The following PIK3C3 variants were observed in gnomAD, a reference collection of about 807,000 sequenced individuals.
PIK3C3 encodes the protein phosphatidylinositol 3-kinase catalytic subunit type 3.
A neutral mutation model predicts 126.1 loss-of-function variants in PIK3C3; 95 were observed. That is an observed-to-expected ratio of 0.75 (90% CI 0.64 to 0.89). The LOEUF is 0.89. Among genes scored for constraint, PIK3C3 ranks in the 40% least tolerant of loss-of-function variants. PIK3C3 has a pLI of 0.00. For synonymous variants in PIK3C3, 374 were observed against 360.0 expected (o/e 1.04, Z -0.44); for missense variants, 829 against 1,063.2 (o/e 0.78, Z 3.06).
chr18:42,079,954 T>A (rs1016786515), intron 24 of PIK3C3, among the ~76,000 whole-genome samples: 2 of 117,778 alleles, frequency 1.7e-5, no homozygotes, highest in Admixed American at 1.8e-4. Context: ...TGAGTGTGTG[T>A]GTGTGTGTGT....
At chr18:42,023,408 G>A (rs1044633655) in intron 13 of PIK3C3, among the ~76,000 whole-genome samples, 3 of 152,188 alleles carry the variant, frequency 2.0e-5, no homozygotes, top group Non-Finnish European at 4.4e-5. Context: ...TTCATAAGGA[G>A]CACACTTTTT....
In PIK3C3 at chr18:41,995,596, T is replaced by C. The variant is rs1439912885; in HGVS notation, c.787-294T>C. ...GGAAGATTTTACAGTGATGGTGATA[T>C]TTGATTGGTTAGAGGATATGGAAAC... On this transcript the variant is annotated intron_variant, in intron 7 of 24. Transcript: ENST00000262039. 3.3e-5 allele frequency among the ~76,000 whole-genome samples: 5 copies of C among 152,232 alleles called. No homozygotes were observed. In the East Asian group the frequency reaches 7.7e-4, roughly 23 times the overall value.
chr18:42,037,889 C>T, intron 17 of PIK3C3, 69 bp downstream of exon 17: 3 of 1,381,728 alleles, frequency 2.2e-6, no homozygotes, highest in East Asian at 4.6e-5. Context: ...AGTTCATTTG[C>T]TGTTTATGGA....
chr18:42,031,669 G>A (rs1000985631), intron 15 of PIK3C3, among the ~76,000 whole-genome samples: 7 of 152,022 alleles, frequency 4.6e-5, no homozygotes, highest in African/African-American at 1.4e-4. Flanking sequence ...TGCCAGCCTC[G>A]GCCTTCCAAA....
intron 24 of PIK3C3, among the ~76,000 whole-genome samples, chr18:42,069,131 C>G (rs1985670068): frequency 1.3e-5 from 2 of 152,000 alleles, no homozygotes; most frequent in South Asian, 2.1e-4. Flanking sequence ...TACTCTTTTT[C>G]TAGCTCAATA....
chr18:42,035,355 A>C (rs1176471404), intron 16 of PIK3C3, among the ~76,000 whole-genome samples: 1 of 152,072 alleles, frequency 6.6e-6, no homozygotes, highest in African/African-American at 2.4e-5. Context: ...TTTTTTTTCC[A>C]ACCATGGTGC....
At chr18:42,032,281 T>C (rs1983863076) in intron 15 of PIK3C3, among the ~76,000 whole-genome samples, 1 of 152,160 alleles carries the variant, frequency 6.6e-6, no homozygotes, top group South Asian at 2.1e-4. Context: ...GGTACAGTAA[T>C]AGGAGATGAA....
At chr18:42,012,848 T>C (rs1379089037) in intron 10 of PIK3C3, among the ~76,000 whole-genome samples, 1 of 152,186 alleles carries the variant, frequency 6.6e-6, no homozygotes, top group African/African-American at 2.4e-5. Context: ...CTTAATCAAC[T>C]GTTTAAATGT....
chr18:42,000,363 T>C (rs892275647), intron 9 of PIK3C3, among the ~76,000 whole-genome samples: 1 of 152,070 alleles, frequency 6.6e-6, no homozygotes, highest in Non-Finnish European at 1.5e-5. Context: ...ACAAGTGATA[T>C]TTTAAGGAGT....
rs1404266886 is a variant in PIK3C3 at position 42,085,632 on chromosome 18, G to A, written c.*4495G>A. On this transcript the variant is annotated 3_prime_UTR_variant, in exon 25 of 25. Coordinates refer to ENST00000262039, the MANE Select transcript of PIK3C3 (RefSeq NM_002647.4). ...TTTAAGTCACAGTCAATTTTCTGTT[G>A]GTCTAATTTTACCAAATAACCCCCT... The A allele has an allele frequency of 6.6e-6, 1 of 152,042 alleles. No individual in the cohort carries two copies. Among genetic ancestry groups the A allele is most frequent in the African/African-American group, 2.4e-5 (1 of 41,378 alleles). The allele number at this position is 152,042 out of a possible 1,614,324, so 9.4% of individuals were successfully genotyped here.
chr18:42,000,584 T>C (rs1982238863), intron 9 of PIK3C3, among the ~76,000 whole-genome samples: 2 of 152,002 alleles, frequency 1.3e-5, no homozygotes, highest in African/African-American at 2.4e-5. Flanking sequence ...TTGGTACCAA[T>C]TTACTGTATT....
At chr18:42,048,584 A>C (rs1984658123) in intron 20 of PIK3C3, among the ~76,000 whole-genome samples, 1 of 152,240 alleles carries the variant, frequency 6.6e-6, no homozygotes, top group South Asian at 2.1e-4. Context: ...CTAAGAGCCT[A>C]GTCTTCAGTA....
chr18:41,980,435 G>A (rs1324946608), intron 4 of PIK3C3, among the ~76,000 whole-genome samples: 2 of 152,136 alleles, frequency 1.3e-5, no homozygotes, highest in Non-Finnish European at 2.9e-5. Context: ...TAGTAATTTA[G>A]GAGGGTGAAT....
At chr18:41,994,807 G>A (rs1196607955) in intron 7 of PIK3C3, among the ~76,000 whole-genome samples, 1 of 152,110 alleles carries the variant, frequency 6.6e-6, no homozygotes, top group Non-Finnish European at 1.5e-5. Context: ...AGAGGCCAAG[G>A]CAGGAGGATC....
intron 24 of PIK3C3, among the ~76,000 whole-genome samples, chr18:42,074,314 C>T (rs1257407523): frequency 8.4e-5 from 12 of 143,264 alleles, no homozygotes; most frequent in South Asian, 6.7e-4. Flanking sequence ...AACTATCACA[C>T]ACAGGAATTT....
At chr18:41,991,968 A>G (rs1415196316) in intron 6 of PIK3C3, among the ~76,000 whole-genome samples, 21 of 152,204 alleles carry the variant, frequency 1.4e-4, no homozygotes, top group Admixed American at 1.3e-3. Context: ...TTTTCTGCCC[A>G]TATAGAGTTT....
intron 4 of PIK3C3, among the ~76,000 whole-genome samples, chr18:41,981,916 G>A (rs541171357): frequency 6.6e-6 from 1 of 151,918 alleles, no homozygotes; most frequent in African/African-American, 2.4e-5. Context: ...CCTGGGAGGC[G>A]GAGGTTGTGG....
chr18:42,040,694 C>G lies in PIK3C3; in HGVS notation c.2056C>G (p.Gln686Glu). ...CTGTGTAGGCTTCATGCAGTTTATC[C>G]AGTCAGTTCCTGTGGCTGAAGTTCT... ...STKHGFMQFI[Q>E]SVPVAEVLDT... The change falls in exon 19 of 25, where the codon CAG becomes GAG. Residue 686 changes from glutamine (Q) to glutamate (E), a missense_variant. Physicochemically the swap from Gln to Glu is conservative, Grantham distance 29. Around this residue, in one of 4 missense-constraint regions of PIK3C3, gnomAD observed 196 missense variants for 312.8 expected, o/e 0.63. Transcript: ENST00000262039. 6.2e-7 allele frequency: 1 copy of G among 1,610,658 alleles called. No individual in the cohort carries two copies. The highest frequency in any genetic ancestry group is 8.5e-7 in the Non-Finnish European group (1 of 1,177,278).
intron 10 of PIK3C3, among the ~76,000 whole-genome samples, chr18:42,006,860 CTT>C (rs71265065): frequency 3.9e-5 from 4 of 102,296 alleles, no homozygotes; most frequent in Admixed American, 1.2e-4. Context: ...AAATCATATT[CTT>C]TTTTTTTTTT....
Sources: gnomAD v4.1 joint callset for allele counts (sites outside exome capture counted in the v4.1 genomes callset) on GRCh38, gnomAD v4.1.1 for gene constraint, gnomAD v4.1.1 regional missense constraint, MANE v1.5 for transcripts, NCBI Gene and HGNC (gene_info 2026-07-23, HGNC 2026-07-21) for gene names.